The following NT5C3A variants were observed in gnomAD, a reference collection of about 807,000 sequenced individuals.
The protein encoded by NT5C3A is cytosolic 5'-nucleotidase 3A.
A neutral mutation model predicts 40.0 loss-of-function variants in NT5C3A; 23 were observed. The ratio of observed to expected loss-of-function variants is 0.58; its 90% CI spans 0.41 to 0.81. NT5C3A has a LOEUF of 0.81. Ranked by LOEUF, NT5C3A falls within the 40% of genes least tolerant of loss-of-function variation. The pLI is 0.00. For missense variants in NT5C3A, 328 were observed against 403.0 expected, an observed-to-expected ratio of 0.81 and a Z score of 1.59; for synonymous variants, 130 against 141.4, an observed-to-expected ratio of 0.92 and a Z score of 0.57.
chr7:33,057,356 C>G (rs1340038211), intron 1 of NT5C3A, among the ~76,000 whole-genome samples: 3 of 151,976 alleles, frequency 2.0e-5, no homozygotes, highest in Admixed American at 6.6e-5. Context: ...ACCCCCATCT[C>G]TACAAAAAAA....
chr7:33,049,733 A>T (rs541793239), intron 1 of NT5C3A, among the ~76,000 whole-genome samples: 1 of 152,048 alleles, frequency 6.6e-6, no homozygotes, highest in East Asian at 1.9e-4. Flanking sequence ...ACTTTGGGAG[A>T]CCGAGACAGG....
At chr7:33,048,308 G>A (rs867036095) in intron 1 of NT5C3A, among the ~76,000 whole-genome samples, 18 of 152,002 alleles carry the variant, frequency 1.2e-4, no homozygotes, top group Middle Eastern at 6.8e-3. Context: ...ACCTCCCAAC[G>A]TGCTGGGATT....
intron 1 of NT5C3A, among the ~76,000 whole-genome samples, chr7:33,061,298 A>C (rs190914268): frequency 1.3e-5 from 2 of 152,390 alleles, no homozygotes; most frequent in East Asian, 3.8e-4. Flanking sequence ...GGACAAATGA[A>C]TTTTAATAAG....
chr7:33,041,417 T>C (rs897274258), intron 1 of NT5C3A, among the ~76,000 whole-genome samples: 1 of 152,126 alleles, frequency 6.6e-6, no homozygotes, highest in African/African-American at 2.4e-5. Context: ...AGTGTAGATG[T>C]ACTTAATGCC....
intron 1 of NT5C3A, among the ~76,000 whole-genome samples, chr7:33,028,335 T>C (rs532785577): frequency 6.6e-6 from 1 of 152,308 alleles, no homozygotes; most frequent in East Asian, 1.9e-4. Context: ...AATTTAATCT[T>C]AAGTATTATT....
At chr7:33,019,256 T>A (rs1012801570) in intron 6 of NT5C3A, among the ~76,000 whole-genome samples, 63 of 146,074 alleles carry the variant, frequency 4.3e-4, no homozygotes, top group African/African-American at 1.5e-3. Flanking sequence ...ACCCTGTCTT[T>A]AAAAAAAAAA....
intron 1 of NT5C3A, among the ~76,000 whole-genome samples, chr7:33,032,417 G>A (rs1398605092): frequency 7.0e-5 from 6 of 85,174 alleles, no homozygotes; most frequent in Non-Finnish European, 1.1e-4. Context: ...AGTGAGACTC[G>A]GTCTCCAAAA....
chr7:33,041,778 T>C (rs998390131), intron 1 of NT5C3A, among the ~76,000 whole-genome samples: 2 of 152,144 alleles, frequency 1.3e-5, no homozygotes, highest in African/African-American at 4.8e-5. Flanking sequence ...GTCTTGCTTT[T>C]AACCTGAGTA....
At chr7:33,025,479 G>A (rs950309259) in intron 2 of NT5C3A, among the ~76,000 whole-genome samples, 1 of 151,740 alleles carries the variant, frequency 6.6e-6, no homozygotes, top group African/African-American at 2.4e-5. Context: ...TTTTTTTACA[G>A]AATATCCAGA....
intron 1 of NT5C3A, among the ~76,000 whole-genome samples, chr7:33,057,316 A>G (rs1787609933): frequency 6.6e-6 from 1 of 152,130 alleles, no homozygotes; most frequent in Non-Finnish European, 1.5e-5. Context: ...GAGCCCAGCA[A>G]TCTGAGAACA....
At chr7:33,028,323 A>G (rs1390377326) in intron 1 of NT5C3A, among the ~76,000 whole-genome samples, 2 of 152,220 alleles carry the variant, frequency 1.3e-5, no homozygotes, top group Admixed American at 1.3e-4. Context: ...GGGTTGCTCA[A>G]CAATTTAATC....
intron 1 of NT5C3A, among the ~76,000 whole-genome samples, chr7:33,039,555 G>GTTTTT (rs776873396): frequency 0.019 from 1,307 of 69,960 alleles, 134 homozygotes; most frequent in East Asian, 0.083. Context: ...TTAAGCTTGG[G>GTTTTT]TTTTTTGTTT....
At chr7:33,027,580 G>A (rs1371405021) in intron 1 of NT5C3A, among the ~76,000 whole-genome samples, 1 of 152,138 alleles carries the variant, frequency 6.6e-6, no homozygotes, top group East Asian at 1.9e-4. Context: ...ACTACGTGAA[G>A]ATAAACAAGT....
chr7:33,015,843 G>C lies in NT5C3A; in HGVS notation c.721C>G (p.Leu241Val), dbSNP rs1357038131. 1 of 1,609,490 alleles carries C rather than the reference G, an allele frequency of 6.2e-7. No homozygotes were observed. The highest frequency in any genetic ancestry group is 1.3e-5 in the African/African-American group (1 of 74,816). ...TGVLKGFKGE[L>V]IHVFNKHDGA... ...TCATGTTTGTTAAATACATGAATTA[G>C]TTCTCCTTTAAATCCTTTGAGCACC... Residue 241 changes from leucine (L) to valine (V), a missense_variant, in exon 8 of 9, where the codon CTA (leucine) becomes GTA (valine). Leu to Val is a conservative substitution (Grantham distance 32, BLOSUM62 1). Around this residue, in one of 3 missense-constraint regions of NT5C3A, gnomAD observed 280 missense variants for 317.2 expected, o/e 0.88. Coordinates refer to ENST00000610140, the MANE Select transcript of NT5C3A (RefSeq NM_001002010.5).
rs909001061 is a variant in NT5C3A, at chr7:33,017,494, C to T, written c.638G>A (p.Gly213Asp). 6.2e-7 allele frequency: 1 copy of T among 1,613,508 alleles called. No individual in the cohort carries two copies. Among genetic ancestry groups the T allele is most frequent in the Non-Finnish European group, 8.5e-7 (1 of 1,179,586 alleles). Residue 213 changes from glycine to aspartate, a missense_variant, in exon 7 of 9, where the codon GGT becomes GAT. Gly to Asp is a moderately conservative substitution (Grantham distance 94). Around this residue, in one of 3 missense-constraint regions of NT5C3A, gnomAD observed 280 missense variants for 317.2 expected, o/e 0.88. Coordinates refer to ENST00000610140, the MANE Select transcript of NT5C3A (RefSeq NM_001002010.5). ...DVLEEVIRQAGVYHPNVKVVS... is the reference protein window; with the variant it reads ...DVLEEVIRQADVYHPNVKVVS... ...AACTTTGACATTGGGATGATAAACA[C>T]CAGCTTGACGAATAACTTCCTCTAG... is the stretch of plus-strand genomic sequence containing the variant.
At chr7:33,038,247 C>CA (rs1786715219) in intron 1 of NT5C3A, among the ~76,000 whole-genome samples, 1 of 151,902 alleles carries the variant, frequency 6.6e-6, no homozygotes, top group Non-Finnish European at 1.5e-5. Context: ...AGCCCAAGGG[C>CA]AAACAATTCA....
chr7:33,020,714 C>T (rs1008227793), intron 5 of NT5C3A, among the ~76,000 whole-genome samples: 1 of 151,876 alleles, frequency 6.6e-6, no homozygotes, highest in African/African-American at 2.4e-5. Flanking sequence ...AGTGGGAAGG[C>T]TCAAATTCCT....
intron 8 of NT5C3A, among the ~76,000 whole-genome samples, chr7:33,015,432 G>A (rs1304548319): frequency 1.3e-5 from 2 of 151,972 alleles, no homozygotes; most frequent in Non-Finnish European, 2.9e-5. Context: ...GTGTAGTGGT[G>A]TGCGCCTGTA....
In NT5C3A at chr7:33,017,610, T is replaced by C. The variant is rs372763267; in HGVS notation, c.531-9A>G. 11 of 1,607,818 alleles carry C rather than the reference T, an allele frequency of 6.8e-6. No individual in the cohort carries two copies. The Middle Eastern group carries it at 6.6e-4, about 96-fold the overall frequency. On this transcript the variant is annotated splice_polypyrimidine_tract_variant and intron_variant, in intron 6 of 8. Transcript: ENST00000610140. Reference sequence around the variant, plus strand: ...AATTCTCATATCCTTCTCTGTAAGATGGAGATAACAAACTGGTTATTAAAG... The same window carrying C: ...AATTCTCATATCCTTCTCTGTAAGACGGAGATAACAAACTGGTTATTAAAG...
Sources: allele counts gnomAD v4.1 joint callset (sites outside exome capture counted in the v4.1 genomes callset), GRCh38; gene constraint gnomAD v4.1.1; regional missense constraint gnomAD v4.1.1; transcripts MANE v1.5; gene names NCBI Gene and HGNC (gene_info 2026-07-23, HGNC 2026-07-21).